Variants in TMEM223 observed in about 807,000 individuals in gnomAD.
The protein encoded by TMEM223 is transmembrane protein 223.
A neutral mutation model predicts 14.1 loss-of-function variants in TMEM223; 14 were observed. The ratio of observed to expected loss-of-function variants is 0.99; its 90% confidence interval spans 0.66 to 1.55. The LOEUF (loss-of-function observed/expected upper bound fraction) is 1.55. TMEM223 is among the 40% of genes most tolerant of loss of function. The pLI is 0.00. For synonymous variants in TMEM223, 145 were observed against 120.5 expected, an observed-to-expected ratio of 1.20 and a Z score of -1.33; for missense variants, 346 against 269.9, an observed-to-expected ratio of 1.28 and a Z score of -1.97.
chr11:62,784,298 T>C (rs2084253640), downstream of TMEM223, among the ~76,000 whole-genome samples: 3 of 129,806 alleles, frequency 2.3e-5, no homozygotes, highest in Non-Finnish European at 4.9e-5. Context: ...CATATATATA[T>C]ATTCTTAATT....
At chr11:62,779,017 C>CT in intron 1 of TMEM223, 211 of 1,263,162 alleles carry the variant, frequency 1.7e-4, no homozygotes, top group Non-Finnish European at 2.1e-4. Flanking sequence ...AATTCTAGAC[C>CT]TGTTTTTTTT....
At chr11:62,787,534 C>A, downstream of TMEM223, 1 of 1,557,234 alleles carries the variant, frequency 6.4e-7, no homozygotes, top group East Asian at 2.3e-5. Flanking sequence ...CCAGGTGCGG[C>A]TGCGGGGCGG....
At chr11:62,774,419 GGAGTGCTGCACAGAA>G (rs2084170661) in intron 2 of TMEM223, among the ~76,000 whole-genome samples, 1 of 152,214 alleles carries the variant, frequency 6.6e-6, no homozygotes, top group African/African-American at 2.4e-5. Flanking sequence ...GCCATTGGGA[GGAGTGCTGCACAGAA>G]GCCACATAGC....
chr11:62,787,095 C>T (rs762834331), downstream of TMEM223: 1 of 1,541,032 alleles, frequency 6.5e-7, no homozygotes, highest in South Asian at 1.2e-5. Flanking sequence ...CCCCGCGCGG[C>T]GCCCCGCACT....
chr11:62,777,693 TTGAG>T (rs1467154422), intron 1 of TMEM223, among the ~76,000 whole-genome samples: 11 of 152,186 alleles, frequency 7.2e-5, no homozygotes, highest in African/African-American at 2.4e-4. Flanking sequence ...GTTTTCAAAG[TTGAG>T]TGAGTGTGAA....
intron 1 of TMEM223, chr11:62,781,753 A>C: frequency 1.3e-6 from 1 of 756,492 alleles, no homozygotes; most frequent in Non-Finnish European, 2.3e-6. Flanking sequence ...CATTTATAGA[A>C]ATAGAATTGC....
intron 1 of TMEM223, chr11:62,782,154 G>A: frequency 6.2e-7 from 1 of 1,613,516 alleles, no homozygotes; most frequent in Non-Finnish European, 8.5e-7. Context: ...TGCACCGGCT[G>A]CTGCAGGTGG....
At chr11:62,772,695 C>T (rs1015002971) in intron 2 of TMEM223, among the ~76,000 whole-genome samples, 2 of 146,228 alleles carry the variant, frequency 1.4e-5, no homozygotes, top group Non-Finnish European at 3.0e-5. Context: ...CCAGGTGTGG[C>T]GGCACAGGCC....
At chr11:62,787,362 G>C (rs1026398614), downstream of TMEM223, 5 of 1,537,796 alleles carry the variant, frequency 3.3e-6, no homozygotes, top group African/African-American at 4.2e-5. Flanking sequence ...CACCTTCGTG[G>C]GTCGCGCCGG....
intron 1 of TMEM223, chr11:62,778,929 G>T: frequency 6.2e-7 from 1 of 1,614,046 alleles, no homozygotes; most frequent in Non-Finnish European, 8.5e-7. Flanking sequence ...CAGGTGACTC[G>T]TGCTGTGCTA....
intron 1 of TMEM223, chr11:62,776,546 G>A: frequency 6.8e-7 from 1 of 1,474,908 alleles, no homozygotes; most frequent in Non-Finnish European, 9.4e-7. Flanking sequence ...CTGGCGATGT[G>A]GTGAGACATT....
At chr11:62,775,949 CT>C (rs753496775) in intron 1 of TMEM223, 72 of 1,583,796 alleles carry the variant, frequency 4.5e-5, no homozygotes, top group Middle Eastern at 1.7e-4. Context: ...CCCTCACCCC[CT>C]GATACCTCCA....
At chr11:62,782,370 G>A (rs2084236848) in intron 1 of TMEM223, 1 of 1,599,056 alleles carries the variant, frequency 6.3e-7, no homozygotes, top group African/African-American at 1.3e-5. Flanking sequence ...TGGGATTGCT[G>A]CAGAGCCAAG....
intron 1 of TMEM223, among the ~76,000 whole-genome samples, chr11:62,777,573 C>G (rs1450395616): frequency 5.9e-5 from 9 of 152,148 alleles, no homozygotes; most frequent in African/African-American, 2.2e-4. Context: ...AGAAGGCATT[C>G]AGGCTAAGGG....
downstream of TMEM223, among the ~76,000 whole-genome samples, chr11:62,784,223 C>T (rs1404314221): frequency 4.0e-5 from 6 of 149,102 alleles, no homozygotes; most frequent in South Asian, 6.4e-4. Context: ...CTCTGGACCT[C>T]GTGTTCCGCC....
chr11:62,787,582 G>A (rs2084301913), downstream of TMEM223: 11 of 1,464,892 alleles, frequency 7.5e-6, no homozygotes, highest in African/African-American at 1.4e-5. Flanking sequence ...TCTGGACATG[G>A]CGAGGCCACT....
downstream of TMEM223, chr11:62,786,630 C>G: frequency 6.2e-7 from 1 of 1,602,140 alleles, no homozygotes. Context: ...ACAGCCTTCT[C>G]TTTCAAGAGT....
At chr11:62,772,232 C>CCTG in intron 2 of TMEM223, 1 of 430,042 alleles carries the variant, frequency 2.3e-6, no homozygotes, top group South Asian at 1.6e-5. Flanking sequence ...TAGTACAGTG[C>CCTG]TATTCGTGGC....
chr11:62,787,041 C>T, downstream of TMEM223: 2 of 1,517,512 alleles, frequency 1.3e-6, no homozygotes, highest in Non-Finnish European at 1.8e-6. Context: ...GGCAGCAGGG[C>T]CCCGGGACCG....
Sources: allele counts gnomAD v4.1 joint callset (sites outside exome capture counted in the v4.1 genomes callset), GRCh38; gene constraint gnomAD v4.1.1; transcripts MANE v1.5; gene names NCBI Gene and HGNC (gene_info 2026-07-23, HGNC 2026-07-21).